SEMA6D: variants seen among roughly 807,000 people sequenced by gnomAD.
SEMA6D encodes the protein semaphorin 6D, also known as semaphorin-6D.
In SEMA6D, 35 loss-of-function variants were observed where a neutral mutation model predicts 106.6. That is an observed-to-expected ratio of 0.33 (90% CI 0.25 to 0.44). The LOEUF (loss-of-function observed/expected upper bound fraction) is 0.44. Among genes scored for constraint, SEMA6D ranks in the 20% least tolerant of loss-of-function variants. The probability of loss-of-function intolerance (pLI) is 1.00; values close to 1 mark genes in which losing one functional copy is unlikely to be tolerated. For synonymous variants in SEMA6D, 499 were observed against 487.7 expected, an observed-to-expected ratio of 1.02 and a Z score of -0.31; for missense variants, 1,185 against 1,345.9, an observed-to-expected ratio of 0.88 and a Z score of 1.87.
intron 4 of SEMA6D, among the ~76,000 whole-genome samples, chr15:47,711,116 C>T (rs992888219): frequency 3.3e-5 from 5 of 151,350 alleles, no homozygotes; most frequent in African/African-American, 7.3e-5. Context: ...GAGACCATCC[C>T]GGCTAAAACG....
rs192430444 is a variant in SEMA6D, at chr15:47,710,842, G to A, written c.-54-48903G>A. ...AAATTCTGTGAGGCTCCTGTTTTAA[G>A]CTTTCCTTAAAAATATCAATTTGAA... On this transcript the variant is annotated intron_variant, in intron 4 of 19. Coordinates refer to the SEMA6D transcript ENST00000558014. Among the ~76,000 whole-genome samples the A allele has an allele frequency of 1.6e-3, 240 of 152,224 alleles. 2 individuals are homozygous for A. Among genetic ancestry groups the A allele is most frequent in the African/African-American group, 5.6e-3 (233 of 41,540 alleles).
intron 3 of SEMA6D, among the ~76,000 whole-genome samples, chr15:47,577,572 C>G (rs2142991812): frequency 6.6e-6 from 1 of 152,280 alleles, no homozygotes; most frequent in South Asian, 2.1e-4. Flanking sequence ...AAAATTATTC[C>G]CTCCCTCGAG....
intron 3 of SEMA6D, among the ~76,000 whole-genome samples, chr15:47,596,745 A>G (rs1368602494): frequency 1.3e-5 from 2 of 152,116 alleles, no homozygotes; most frequent in African/African-American, 4.8e-5. Context: ...GAATGAAACT[A>G]GACCCATATC....
At chr15:47,563,209 T>A (rs1230852045) in intron 3 of SEMA6D, among the ~76,000 whole-genome samples, 1 of 152,208 alleles carries the variant, frequency 6.6e-6, no homozygotes, top group African/African-American at 2.4e-5. Flanking sequence ...ACAAATGGGC[T>A]CAAGGAAATT....
intron 3 of SEMA6D, among the ~76,000 whole-genome samples, chr15:47,515,870 A>G (rs995762042): frequency 7.9e-5 from 12 of 152,218 alleles, no homozygotes; most frequent in Non-Finnish European, 1.3e-4. Flanking sequence ...GAGCAGAACC[A>G]ACAAATAGGG....
intron 3 of SEMA6D, among the ~76,000 whole-genome samples, chr15:47,525,915 C>T (rs1342529685): frequency 6.6e-6 from 1 of 151,986 alleles, no homozygotes; most frequent in Non-Finnish European, 1.5e-5. Flanking sequence ...AAAACAAAGG[C>T]GAAACAAGTC....
At chr15:47,433,722 G>A (rs759037305) in intron 2 of SEMA6D, among the ~76,000 whole-genome samples, 6 of 152,064 alleles carry the variant, frequency 3.9e-5, no homozygotes, top group Non-Finnish European at 5.9e-5. Context: ...GGAGATACCT[G>A]ATTTATAGAT....
intron 1 of SEMA6D, among the ~76,000 whole-genome samples, chr15:47,337,026 C>T (rs2037592231): frequency 6.6e-6 from 1 of 152,026 alleles, no homozygotes; most frequent in African/African-American, 2.4e-5. Flanking sequence ...TGACCAATGG[C>T]CTGGCCATAC....
chr15:47,603,293 T>A (rs1349239857), intron 4 of SEMA6D: 1 of 152,294 alleles, frequency 6.6e-6, no homozygotes, highest in Admixed American at 6.6e-5. Flanking sequence ...ACCTTCTGCC[T>A]GTCTCCATTT....
intron 2 of SEMA6D, among the ~76,000 whole-genome samples, chr15:47,433,503 GC>G (rs1201088015): frequency 6.6e-6 from 1 of 152,030 alleles, no homozygotes; most frequent in Non-Finnish European, 1.5e-5. Flanking sequence ...CAAAAGAATA[GC>G]AGGTTTTAGA....
At chr15:47,727,480 G>T (rs1405694536) in intron 1 of SEMA6D, among the ~76,000 whole-genome samples, 2 of 152,186 alleles carry the variant, frequency 1.3e-5, no homozygotes, top group Non-Finnish European at 2.9e-5. Flanking sequence ...CTAAAATGCA[G>T]ATTTCTATCC....
chr15:47,703,008 G>T (rs773753927), intron 4 of SEMA6D, among the ~76,000 whole-genome samples: 3 of 152,174 alleles, frequency 2.0e-5, no homozygotes, highest in African/African-American at 7.2e-5. Flanking sequence ...TAAATGCAGT[G>T]TGTAGGTGTT....
chr15:47,304,346 T>C (rs1188160341), intron 1 of SEMA6D, among the ~76,000 whole-genome samples: 1 of 146,370 alleles, frequency 6.8e-6, no homozygotes, highest in African/African-American at 2.6e-5. Context: ...CTCAGGAGTC[T>C]GAGGCAGAAG....
chr15:47,496,060 A>G (rs2043647058), intron 3 of SEMA6D, among the ~76,000 whole-genome samples: 1 of 152,100 alleles, frequency 6.6e-6, no homozygotes, highest in Non-Finnish European at 1.5e-5. Flanking sequence ...GAGTATAACA[A>G]AACACTAGGG....
chr15:47,493,612 C>T (rs1412634448), intron 3 of SEMA6D, among the ~76,000 whole-genome samples: 1 of 152,118 alleles, frequency 6.6e-6, no homozygotes, highest in Non-Finnish European at 1.5e-5. Context: ...ACAATTACAC[C>T]ACCTAACAGT....
At chr15:47,685,849 G>A (rs1170093055) in intron 4 of SEMA6D, among the ~76,000 whole-genome samples, 1 of 152,136 alleles carries the variant, frequency 6.6e-6, no homozygotes, top group Non-Finnish European at 1.5e-5. Flanking sequence ...TTATGGCTTT[G>A]TATCGCCTCT....
At chr15:47,637,196 T>C (rs2077404733) in intron 4 of SEMA6D, among the ~76,000 whole-genome samples, 1 of 152,220 alleles carries the variant, frequency 6.6e-6, no homozygotes, top group African/African-American at 2.4e-5. Context: ...TATCGCTTAT[T>C]GTTACTGGAA....
chr15:47,382,279 C>T (rs1276678742), intron 1 of SEMA6D, among the ~76,000 whole-genome samples: 4 of 152,028 alleles, frequency 2.6e-5, no homozygotes, highest in African/African-American at 9.7e-5. Flanking sequence ...GAGGCTGAGG[C>T]GGGCAGATCA....
chr15:47,271,896 A>G (rs1227961360), intron 1 of SEMA6D, among the ~76,000 whole-genome samples: 1 of 152,172 alleles, frequency 6.6e-6, no homozygotes, highest in Non-Finnish European at 1.5e-5. Flanking sequence ...TAAAGTTCAC[A>G]TTCTTATGTA....
Sources: gnomAD v4.1 joint callset for allele counts (sites outside exome capture counted in the v4.1 genomes callset) on GRCh38, gnomAD v4.1.1 for gene constraint, MANE v1.5 for transcripts, NCBI Gene and HGNC (gene_info 2026-07-23, HGNC 2026-07-21) for gene names.